CTSO: variants seen among roughly 807,000 people sequenced by gnomAD.
CTSO encodes cathepsin O.
A neutral mutation model predicts 42.4 loss-of-function variants in CTSO; 40 were observed. The observed-to-expected ratio is 0.94, with a 90% CI of 0.73 to 1.23. The LOEUF (loss-of-function observed/expected upper bound fraction) is 1.23. Among genes scored for constraint, CTSO ranks in the 50% most tolerant of loss-of-function variants. The pLI, the probability that CTSO is intolerant of heterozygous loss-of-function variation, is 0.00. For missense variants in CTSO, 441 were observed against 396.0 expected (o/e 1.11, Z -0.96); for synonymous variants, 156 against 146.2 (o/e 1.07, Z -0.48).
chr4:155,931,012 T>A (rs1479830545), intron 5 of CTSO, among the ~76,000 whole-genome samples: 5 of 152,156 alleles, frequency 3.3e-5, no homozygotes, highest in Non-Finnish European at 5.9e-5. Context: ...ACTGCAGCCA[T>A]TCAACCTACC....
intron 7 of CTSO, among the ~76,000 whole-genome samples, chr4:155,927,921 T>C (rs972772876): frequency 7.2e-5 from 11 of 152,190 alleles, no homozygotes; most frequent in Non-Finnish European, 1.5e-5. Flanking sequence ...TTTCGTATAT[T>C]TTAAAACAAA....
intron 3 of CTSO, among the ~76,000 whole-genome samples, chr4:155,942,009 C>T (rs1160456169): frequency 6.6e-6 from 1 of 152,034 alleles, no homozygotes; most frequent in African/African-American, 2.4e-5. Context: ...ATCTGTGATA[C>T]AGCTACTGGG....
intron 1 of CTSO, among the ~76,000 whole-genome samples, chr4:155,943,850 A>C (rs1169692862): frequency 6.6e-6 from 1 of 152,304 alleles, no homozygotes; most frequent in East Asian, 1.9e-4. Context: ...TGGTTTCTCT[A>C]TCTGGAGGGG....
intron 4 of CTSO, among the ~76,000 whole-genome samples, chr4:155,938,159 T>A (rs984705303): frequency 6.6e-6 from 1 of 152,164 alleles, no homozygotes; most frequent in Non-Finnish European, 1.5e-5. Context: ...TCCAGTGGTT[T>A]ATACACAGGC....
chr4:155,928,479 G>A (rs758665936), intron 6 of CTSO, 51 bp from the exon 7 acceptor site: 4 of 1,272,808 alleles, frequency 3.1e-6, no homozygotes, highest in South Asian at 1.3e-5. Context: ...AATTTGTTAT[G>A]AATGTTTAAG....
At chr4:155,953,164 C>T (rs1743706566) in intron 1 of CTSO, among the ~76,000 whole-genome samples, 1 of 151,884 alleles carries the variant, frequency 6.6e-6, no homozygotes, top group Non-Finnish European at 1.5e-5. Flanking sequence ...GCAGGAAGAA[C>T]TTTTAAAGTG....
At chr4:155,951,432 C>A (rs1743672186) in intron 1 of CTSO, among the ~76,000 whole-genome samples, 1 of 152,104 alleles carries the variant, frequency 6.6e-6, no homozygotes, top group African/African-American at 2.4e-5. Flanking sequence ...ATAAGGGGTG[C>A]CATCCAAAGT....
At chr4:155,946,804 C>T (rs1280972518) in intron 1 of CTSO, among the ~76,000 whole-genome samples, 1 of 152,162 alleles carries the variant, frequency 6.6e-6, no homozygotes, top group Non-Finnish European at 1.5e-5. Context: ...TTTGCAAAAC[C>T]ATTAATAACA....
intron 5 of CTSO, among the ~76,000 whole-genome samples, chr4:155,932,020 T>A (rs762904595): frequency 1.3e-5 from 2 of 152,030 alleles, no homozygotes; most frequent in Non-Finnish European, 2.9e-5. Context: ...GTGTCTGAAT[T>A]TTTCTGACTA....
rs1202044548 is a variant in CTSO at position 155,937,426 on chromosome 4, A to G, written c.610T>C (p.Cys204Arg). 6.2e-7 allele frequency: 1 copy of G among 1,612,986 alleles called. No individual in the cohort carries two copies. The highest frequency in any genetic ancestry group is 8.5e-7 in the Non-Finnish European group (1 of 1,179,142). The change falls in exon 5 of 8, where the codon TGC becomes CGC. Residue 204 changes from cysteine (C) to arginine (R), a missense_variant. Transcript: ENST00000433477. ...EYPFKAQNGL[C>R]HYFSGSHSGF... ...GAATGTGAACCAGAAAAGTAATGGC[A>G]CAGACCATTTTGTGCTTTAAAAGGA...
At chr4:155,932,714 T>C (rs1743257619) in intron 5 of CTSO, among the ~76,000 whole-genome samples, 1 of 152,126 alleles carries the variant, frequency 6.6e-6, no homozygotes, top group Admixed American at 6.5e-5. Flanking sequence ...CCAGCAGGAC[T>C]AAGCATGAGG....
chr4:155,945,690 ATC>A, intron 1 of CTSO, among the ~76,000 whole-genome samples: 1 of 152,350 alleles, frequency 6.6e-6, no homozygotes, highest in African/African-American at 2.4e-5. Flanking sequence ...AGAAAAATGT[ATC>A]TAAATAAAAT....
intron 7 of CTSO, among the ~76,000 whole-genome samples, chr4:155,928,074 G>C (rs1451925667): frequency 2.6e-5 from 4 of 152,076 alleles, no homozygotes; most frequent in Non-Finnish European, 4.4e-5. Flanking sequence ...CATTTTTAAA[G>C]CAATTAACCT....
rs1265474055 is a variant in CTSO, at chr4:155,939,397, G to C, written c.526C>G (p.Leu176Val). 2 of 1,613,906 alleles carry C rather than the reference G, an allele frequency of 1.2e-6. No homozygotes were observed. Among genetic ancestry groups the C allele is most frequent in the African/African-American group, 1.3e-5 (1 of 75,034 alleles). ...TTGTTTAACCAGTTCAAAGCATTGA[G>C]AGTAGAGCCTCCATTGCAGCCATAA... ...NNYGCNGGST[L>V]NALNWLNKMQ... Residue 176 changes from leucine (L) to valine (V), a missense_variant, in exon 4 of 8, where the codon CTC becomes GTC. Coordinates refer to ENST00000433477, the MANE Select transcript of CTSO (RefSeq NM_001334.3).
chr4:155,928,315 A>C (rs762676701), intron 7 of CTSO, 21 bp downstream of exon 7: 4 of 1,563,162 alleles, frequency 2.6e-6, no homozygotes, highest in Non-Finnish European at 3.5e-6. Flanking sequence ...TTGAGGTTTT[A>C]AACACAAACT....
chr4:155,951,014 G>A (rs574225633), intron 1 of CTSO, among the ~76,000 whole-genome samples: 21 of 152,188 alleles, frequency 1.4e-4, no homozygotes, highest in African/African-American at 4.8e-4. Context: ...ATTACGGCAA[G>A]CACATATAAG....
chr4:155,952,308 G>A (rs1426102800), intron 1 of CTSO, among the ~76,000 whole-genome samples: 1 of 152,016 alleles, frequency 6.6e-6, no homozygotes, highest in African/African-American at 2.4e-5. Flanking sequence ...ACCAGTATGA[G>A]TCACTACATA....
chr4:155,936,069 G>A (rs914627018), intron 5 of CTSO, among the ~76,000 whole-genome samples: 1 of 150,822 alleles, frequency 6.6e-6, no homozygotes, highest in Admixed American at 6.6e-5. Flanking sequence ...GTTTTTTCTT[G>A]TACACATCCT....
At chr4:155,943,482 G>A (rs1743477454) in intron 1 of CTSO, among the ~76,000 whole-genome samples, 1 of 152,048 alleles carries the variant, frequency 6.6e-6, no homozygotes, top group African/African-American at 2.4e-5. Context: ...TGAGAAAAGT[G>A]TATTTTATTC....
Sources: allele counts gnomAD v4.1 joint callset (sites outside exome capture counted in the v4.1 genomes callset), GRCh38; gene constraint gnomAD v4.1.1; transcripts MANE v1.5; gene names NCBI Gene and HGNC (gene_info 2026-07-23, HGNC 2026-07-21).